Variants in EPS15L1 observed in about 807,000 individuals in gnomAD.
The protein encoded by EPS15L1 is epidermal growth factor receptor substrate 15-like 1.
A neutral mutation model predicts 117.1 loss-of-function variants in EPS15L1; 43 were observed. The observed-to-expected ratio is 0.37, with a 90% CI of 0.29 to 0.47. EPS15L1 has a LOEUF of 0.47. Among genes scored for constraint, EPS15L1 ranks in the 20% least tolerant of loss-of-function variants. The pLI is 0.99. For missense variants in EPS15L1, 981 were observed against 1,164.0 expected (o/e 0.84, Z 2.29); for synonymous variants, 459 against 470.5 (o/e 0.98, Z 0.32).
At chr19:16,464,821 C>G (rs143031965) in intron 1 of EPS15L1, among the ~76,000 whole-genome samples, 8 of 152,108 alleles carry the variant, frequency 5.3e-5, no homozygotes, top group African/African-American at 1.9e-4. Flanking sequence ...TGGTGGCTCA[C>G]GCCTGTAATC....
intron 23 of EPS15L1, among the ~76,000 whole-genome samples, chr19:16,361,304 G>C (rs1439269957): frequency 6.6e-6 from 1 of 151,772 alleles, no homozygotes; most frequent in Non-Finnish European, 1.5e-5. Context: ...CGATCTGCCT[G>C]AAGTCCTTCA....
At chr19:16,447,353 T>C (rs1288495004) in intron 1 of EPS15L1, among the ~76,000 whole-genome samples, 3 of 152,120 alleles carry the variant, frequency 2.0e-5, no homozygotes, top group Non-Finnish European at 4.4e-5. Flanking sequence ...AGAGAGCTTT[T>C]CCAAATCACA....
chr19:16,459,522 G>A (rs1053799225), intron 1 of EPS15L1, among the ~76,000 whole-genome samples: 2 of 152,144 alleles, frequency 1.3e-5, no homozygotes, highest in African/African-American at 4.8e-5. Context: ...GGTGCAGTTG[G>A]TAGTGGGGAG....
intron 21 of EPS15L1, among the ~76,000 whole-genome samples, chr19:16,382,202 C>T (rs577207005): frequency 4.9e-4 from 75 of 152,286 alleles, no homozygotes; most frequent in African/African-American, 1.6e-3. Context: ...TTTCAATAAA[C>T]GCCTGGCACT....
chr19:16,367,626 C>A lies in EPS15L1; in HGVS notation c.2381-5642G>T, dbSNP rs569180610. On this transcript the variant is annotated intron_variant, in intron 22 of 23. Transcript: ENST00000455140. ...ACGCCCCTAGCACCCGGGATCGGGG[C>A]TGTGATGGGGCTGGCTCTGCTGCAC... is the stretch of plus-strand genomic sequence containing the variant. Among the ~76,000 whole-genome samples the A allele has an allele frequency of 2.0e-5, 3 of 150,592 alleles. No homozygotes were observed. In the South Asian group the frequency reaches 6.3e-4, roughly 32 times the overall value.
chr19:16,440,956 C>T (rs774807678), intron 3 of EPS15L1, 47 bp from the exon 4 acceptor site: 2 of 1,599,114 alleles, frequency 1.3e-6, no homozygotes, highest in South Asian at 2.2e-5. Flanking sequence ...CGATCACTGT[C>T]CACGTGTTAA....
intron 23 of EPS15L1, among the ~76,000 whole-genome samples, chr19:16,360,651 A>C (rs2092038643): frequency 6.6e-6 from 1 of 152,028 alleles, no homozygotes; most frequent in South Asian, 2.1e-4. Context: ...GGAGGCCAAG[A>C]CAGGAGGATC....
intron 13 of EPS15L1, among the ~76,000 whole-genome samples, chr19:16,409,101 A>G (rs1351978807): frequency 1.3e-5 from 2 of 152,138 alleles, no homozygotes; most frequent in Non-Finnish European, 2.9e-5. Context: ...GTGGCAGTGC[A>G]CACCCTGTAG....
chr19:16,428,868 G>A (rs189551413), intron 7 of EPS15L1, 107 bp from the exon 8 acceptor site: 2 of 812,872 alleles, frequency 2.5e-6, no homozygotes, highest in East Asian at 2.6e-5. Context: ...CTGGGCTCAG[G>A]AGACGGCAGT....
At chr19:16,401,248 C>G (rs1399789839) in intron 16 of EPS15L1, 1 of 985,416 alleles carries the variant, frequency 1.0e-6, no homozygotes, top group African/African-American at 1.7e-5. Flanking sequence ...GCCAGCAGTG[C>G]CTTCCCAGCA....
At chr19:16,457,919 G>A (rs926359408) in intron 1 of EPS15L1, among the ~76,000 whole-genome samples, 19 of 151,646 alleles carry the variant, frequency 1.3e-4, no homozygotes, top group African/African-American at 2.9e-4. Context: ...TGTGTCCTCC[G>A]CAGCAGGAAC....
chr19:16,396,057 T>C (rs2092537580), intron 16 of EPS15L1, among the ~76,000 whole-genome samples: 1 of 151,930 alleles, frequency 6.6e-6, no homozygotes, highest in African/African-American at 2.4e-5. Context: ...CAGTGAGCTA[T>C]GATTGTGCCA....
At chr19:16,412,508 A>AT (rs2092715352) in intron 13 of EPS15L1, among the ~76,000 whole-genome samples, 1 of 151,888 alleles carries the variant, frequency 6.6e-6, no homozygotes, top group South Asian at 2.1e-4. Flanking sequence ...TTAAAAAAAA[A>AT]GAAAAAAAAA....
chr19:16,389,246 G>A (rs1410304972), intron 19 of EPS15L1, among the ~76,000 whole-genome samples: 1 of 152,094 alleles, frequency 6.6e-6, no homozygotes, highest in African/African-American at 2.4e-5. Flanking sequence ...CTTGAGCCTA[G>A]GAGTTTGAGA....
intron 16 of EPS15L1, 79 bp from the exon 17 acceptor site, chr19:16,395,546 C>T: frequency 7.1e-7 from 1 of 1,410,112 alleles, no homozygotes; most frequent in Non-Finnish European, 9.9e-7. Context: ...ATACTTAACT[C>T]ACATTTCCAC....
At position 16,418,426 on chromosome 19, in the gene EPS15L1, G is replaced by A. The variant is rs1233499240; in HGVS notation, c.951-322C>T. ...CCTCTTCCTTTGGCTTATCTCGTGC[G>A]TGGGGCAGGCTCTGATGCTGCAGGC... is the stretch of plus-strand genomic sequence containing the variant. On this transcript the variant is annotated intron_variant, in intron 10 of 23. Transcript: ENST00000455140. Among the ~76,000 whole-genome samples, 3 of 152,204 alleles carry A rather than the reference G, an allele frequency of 2.0e-5. No homozygotes were observed. The South Asian group carries it at 6.2e-4, about 32-fold the overall frequency.
At chr19:16,429,434 G>A (rs148516700) in intron 7 of EPS15L1, among the ~76,000 whole-genome samples, 3 of 152,302 alleles carry the variant, frequency 2.0e-5, no homozygotes, top group East Asian at 3.9e-4. Flanking sequence ...GCAGATGCCC[G>A]TGGCTCTATC....
rs2092200407 is a variant in EPS15L1, at chr19:16,370,146, A to G, written c.2380+6976T>C. On this transcript the variant is annotated intron_variant, in intron 22 of 23. Transcript: ENST00000455140. This position sits in a 1 kb window ranked among gnomAD's most constrained non-coding sequence, Gnocchi z 5.2. ...TGGGAGGGGAGCAAGTGAGGCGCAG[A>G]GCCCACCAGGAGCTCCCATGGTGGG... is the stretch of plus-strand genomic sequence containing the variant. 6.6e-6 allele frequency among the ~76,000 whole-genome samples: 1 copy of G among 152,200 alleles called. No homozygotes were observed. The highest frequency in any genetic ancestry group is 2.4e-5 in the African/African-American group (1 of 41,460).
intron 22 of EPS15L1, among the ~76,000 whole-genome samples, chr19:16,362,236 G>A (rs2092065415): frequency 6.6e-6 from 1 of 152,198 alleles, no homozygotes; most frequent in Admixed American, 6.5e-5. Context: ...ACACAGAGCA[G>A]CTAAAACTTG....
Sources: allele counts gnomAD v4.1 joint callset (sites outside exome capture counted in the v4.1 genomes callset), GRCh38; gene constraint gnomAD v4.1.1; non-coding constraint Gnocchi (gnomAD v3.1); transcripts MANE v1.5; gene names NCBI Gene and HGNC (gene_info 2026-07-23, HGNC 2026-07-21).